Variants in RALGPS1 observed in about 807,000 individuals in gnomAD.
RALGPS1 encodes ras-specific guanine nucleotide-releasing factor RalGPS1.
Under a neutral mutation model 78.8 loss-of-function variants are expected in RALGPS1, and 19 were observed. The ratio of observed to expected loss-of-function variants is 0.24; its 90% CI spans 0.17 to 0.35. The LOEUF is 0.35. Ranked by LOEUF, RALGPS1 falls within the 10% of genes least tolerant of loss-of-function variation. The pLI is 1.00. For synonymous variants in RALGPS1, 228 were observed against 256.3 expected (o/e 0.89, Z 1.06); for missense variants, 454 against 688.3 (o/e 0.66, Z 3.81).
chr9:127,074,044 G>A (rs888409052), intron 8 of RALGPS1, among the ~76,000 whole-genome samples: 8 of 152,036 alleles, frequency 5.3e-5, no homozygotes, highest in East Asian at 3.9e-4. Context: ...ACCATGCCCC[G>A]CTAAGTTTTG....
chr9:127,031,560 G>T (rs1422999006), intron 4 of RALGPS1, among the ~76,000 whole-genome samples: 3 of 152,216 alleles, frequency 2.0e-5, no homozygotes, highest in African/African-American at 7.2e-5. Context: ...GCCTCCTTCA[G>T]TCTCTGTCAC....
Position 126,979,740 on chromosome 9 carries a change from C to G in RALGPS1, c.216+1995C>G, listed in dbSNP as rs192005206. Among the ~76,000 whole-genome samples, 196 of 152,294 alleles carry G rather than the reference C, an allele frequency of 1.3e-3. 4 individuals carry two copies. The highest frequency in any genetic ancestry group is 9.2e-3 in the Admixed American group (140 of 15,298). ...TGGAAGGTACCTCATCAACACATAC[C>G]TTAGTTCAAGTTGTGACAAGACGTT... On this transcript the variant is annotated intron_variant, in intron 4 of 18. Coordinates refer to ENST00000259351, the MANE Select transcript of RALGPS1 (RefSeq NM_014636.3).
chr9:127,024,514 C>G (rs1564437021), intron 4 of RALGPS1, among the ~76,000 whole-genome samples: 1 of 151,652 alleles, frequency 6.6e-6, no homozygotes, highest in Non-Finnish European at 1.5e-5. Flanking sequence ...CTTCACCAAA[C>G]TCATCACACT....
At chr9:127,151,057 G>A (rs368395959) in intron 8 of RALGPS1, among the ~76,000 whole-genome samples, 5 of 151,998 alleles carry the variant, frequency 3.3e-5, no homozygotes, top group Admixed American at 6.6e-5. Flanking sequence ...GGTGGCACAC[G>A]CCTGTAGTCC....
chr9:126,952,652 A>AGTGTGTGTGTGTGTGT (rs768212640), intron 1 of RALGPS1, among the ~76,000 whole-genome samples: 16,666 of 116,520 alleles, frequency 0.14, 1,674 homozygotes, highest in Non-Finnish European at 0.2. Flanking sequence ...AGAGAGAGAG[A>AGTGTGTGTGTGTGTGT]GAGAGTGTGT....
intron 4 of RALGPS1, among the ~76,000 whole-genome samples, chr9:126,988,820 A>G (rs776774267): frequency 1.3e-5 from 2 of 152,178 alleles, no homozygotes; most frequent in Non-Finnish European, 2.9e-5. Context: ...TGGGCTGCCC[A>G]CTTAGGGAGC....
intron 8 of RALGPS1, among the ~76,000 whole-genome samples, chr9:127,145,594 A>G (rs2058050590): frequency 6.6e-6 from 1 of 152,006 alleles, no homozygotes; most frequent in African/African-American, 2.4e-5. Context: ...CATCTTTCTG[A>G]CTCAGGCCGG....
rs773742176 is a variant in RALGPS1, at chr9:126,977,716, A to C, written c.187A>C (p.Ile63Leu). 5.6e-6 allele frequency: 9 copies of C among 1,601,942 alleles called. No individual in the cohort carries two copies. Residue 63 changes from isoleucine (I) to leucine (L), a missense_variant, in exon 4 of 19, where the codon ATA becomes CTA. By Grantham distance (5) the Ile-to-Leu change is conservative. Transcript: ENST00000259351. ...EFASQITLMD[I>L]PVFKAIQPEE... ...GCAGAGCCAGATTACATTAATGGAT[A>C]TACCTGTGTTTAAAGCTATCCAGCC...
intron 14 of RALGPS1, among the ~76,000 whole-genome samples, chr9:127,203,025 A>G (rs567369094): frequency 1.3e-5 from 2 of 152,344 alleles, no homozygotes; most frequent in Admixed American, 6.5e-5. Flanking sequence ...TTTAGTCAGG[A>G]GCAGCAGTAA....
chr9:126,975,438 G>A (rs1448009676), intron 3 of RALGPS1, among the ~76,000 whole-genome samples: 1 of 152,184 alleles, frequency 6.6e-6, no homozygotes, highest in Non-Finnish European at 1.5e-5. Flanking sequence ...ATTAGCAGAC[G>A]TTTGGTTCTT....
At position 127,218,621 on chromosome 9, in the gene RALGPS1, A is replaced by C; in HGVS notation, c.1645-119A>C. 9.3e-7 allele frequency: 1 copy of C among 1,074,004 alleles called. No homozygotes were observed. The highest frequency in any genetic ancestry group is 1.4e-6 in the Non-Finnish European group (1 of 690,130). The allele number at this position is 1,074,004 out of a possible 1,614,324, so 66.5% of individuals were successfully genotyped here. On this transcript the variant is annotated intron_variant, in intron 18 of 18. Transcript: ENST00000259351. The surrounding 1 kb of genome is among the most constrained non-coding windows in gnomAD (Gnocchi z 4.4). ...ATTGTTATTGCCATACCCTCTCCCT[A>C]CCCAACCTGCTCATTCCCAGACTCA...
At position 127,205,219 on chromosome 9, in the gene RALGPS1, G is replaced by A. The variant is rs1437570100; in HGVS notation, c.1247+6153G>A. On this transcript the variant is annotated intron_variant, in intron 14 of 18. Coordinates refer to ENST00000259351, the MANE Select transcript of RALGPS1 (RefSeq NM_014636.3). The surrounding 1 kb of genome is among the most constrained non-coding windows in gnomAD (Gnocchi z 4.0). ...ACTGAGCCCTGGGCCATCTGTCCCAGCTTGGTGCATGACTCAGAGCCTGCA... is the reference window on the plus strand; with the variant it reads ...ACTGAGCCCTGGGCCATCTGTCCCAACTTGGTGCATGACTCAGAGCCTGCA... Among the ~76,000 whole-genome samples, 1 of 152,360 alleles carries A rather than the reference G, an allele frequency of 6.6e-6. No individual in the cohort carries two copies. Among genetic ancestry groups the A allele is most frequent in the African/African-American group, 2.4e-5 (1 of 41,586 alleles).
intron 10 of RALGPS1, among the ~76,000 whole-genome samples, chr9:127,173,273 A>T (rs1443737362): frequency 6.6e-6 from 1 of 152,102 alleles, no homozygotes; most frequent in African/African-American, 2.4e-5. Context: ...TTTCCATCAG[A>T]GGAGCTGCCG....
intron 8 of RALGPS1, among the ~76,000 whole-genome samples, chr9:127,150,690 TG>T (rs1416544788): frequency 6.6e-6 from 1 of 152,204 alleles, no homozygotes; most frequent in African/African-American, 2.4e-5. Flanking sequence ...CTCTTACAAC[TG>T]GATTACTAGG....
intron 1 of RALGPS1, among the ~76,000 whole-genome samples, chr9:126,957,305 T>A (rs2038437527): frequency 6.6e-6 from 1 of 152,146 alleles, no homozygotes; most frequent in African/African-American, 2.4e-5. Context: ...ACTTGAGAAT[T>A]CAGTTGTTAG....
intron 3 of RALGPS1, among the ~76,000 whole-genome samples, chr9:126,971,301 G>A (rs1191727467): frequency 6.7e-6 from 1 of 149,478 alleles, no homozygotes; most frequent in South Asian, 2.1e-4. Flanking sequence ...ATTTGAAACC[G>A]CATATTGAAA....
At chr9:127,167,707 G>A (rs755333734) in intron 9 of RALGPS1, among the ~76,000 whole-genome samples, 31 of 152,202 alleles carry the variant, frequency 2.0e-4, no homozygotes, top group African/African-American at 3.4e-4. Context: ...TCAGAATCTC[G>A]CTATGAAAGG....
intron 4 of RALGPS1, among the ~76,000 whole-genome samples, chr9:126,997,192 G>T (rs1184867597): frequency 6.6e-6 from 1 of 152,200 alleles, no homozygotes; most frequent in Non-Finnish European, 1.5e-5. Context: ...GGGCATTGAG[G>T]CAGGAGAAGG....
chr9:126,958,255 A>T (rs1043574095), intron 1 of RALGPS1, among the ~76,000 whole-genome samples: 3 of 151,540 alleles, frequency 2.0e-5, no homozygotes, highest in Non-Finnish European at 4.4e-5. Flanking sequence ...ACCATCATGA[A>T]ACAGAGCTGA....
Sources: gnomAD v4.1 joint callset for allele counts (sites outside exome capture counted in the v4.1 genomes callset) on GRCh38, gnomAD v4.1.1 for gene constraint, Gnocchi (gnomAD v3.1) non-coding constraint, MANE v1.5 for transcripts, NCBI Gene and HGNC (gene_info 2026-07-23, HGNC 2026-07-21) for gene names.